Variants in EFCAB11 observed in about 807,000 individuals in gnomAD.
EFCAB11 encodes EF-hand calcium binding domain 11, also known as EF-hand calcium-binding domain-containing protein 11.
EFCAB11 carries 14 observed loss-of-function variants against 23.0 expected under a neutral mutation model. The ratio of observed to expected loss-of-function variants is 0.61; its 90% CI spans 0.40 to 0.95. The LOEUF (loss-of-function observed/expected upper bound fraction) is 0.95, where lower values mean the gene tolerates loss of function less well. EFCAB11 is among the 40% of genes least tolerant of loss of function. The pLI, the probability that EFCAB11 is intolerant of heterozygous loss-of-function variation, is 0.00. For missense variants in EFCAB11, 198 were observed against 195.8 expected (o/e 1.01, Z -0.07); for synonymous variants, 65 against 66.6 (o/e 0.98, Z 0.11).
intron 5 of EFCAB11, among the ~76,000 whole-genome samples, chr14:89,815,667 A>G (rs1596379504): frequency 6.6e-6 from 1 of 151,606 alleles, no homozygotes; most frequent in African/African-American, 2.4e-5. Flanking sequence ...CTCATAATCC[A>G]CCCGCCTCGG....
chr14:89,930,709 C>T (rs1278744479), intron 5 of EFCAB11, among the ~76,000 whole-genome samples: 4 of 152,142 alleles, frequency 2.6e-5, no homozygotes, highest in South Asian at 4.1e-4. Flanking sequence ...GGATCCTTCC[C>T]GACTGTGTGG....
intron 3 of EFCAB11, among the ~76,000 whole-genome samples, chr14:89,942,317 A>G (rs1890820646): frequency 6.6e-6 from 1 of 152,236 alleles, no homozygotes; most frequent in African/African-American, 2.4e-5. Context: ...GATCTGCATG[A>G]TAACTGTTCA....
intron 5 of EFCAB11, among the ~76,000 whole-genome samples, chr14:89,858,662 T>C (rs899340790): frequency 7.2e-6 from 1 of 138,704 alleles, no homozygotes; most frequent in South Asian, 2.4e-4. Flanking sequence ...GCTAATTTTT[T>C]TTTTTTTTTT....
chr14:89,851,070 C>T (rs1333217530), intron 5 of EFCAB11, among the ~76,000 whole-genome samples: 1 of 152,224 alleles, frequency 6.6e-6, no homozygotes, highest in Non-Finnish European at 1.5e-5. Context: ...TAGGAATTAA[C>T]TTACTAGAGA....
chr14:89,917,337 T>C (rs1288515978), intron 5 of EFCAB11, among the ~76,000 whole-genome samples: 2 of 152,192 alleles, frequency 1.3e-5, no homozygotes, highest in Non-Finnish European at 2.9e-5. Context: ...AGTAATATCA[T>C]GCAATATTTG....
chr14:89,920,369 C>T (rs1889984571), intron 5 of EFCAB11, among the ~76,000 whole-genome samples: 1 of 152,180 alleles, frequency 6.6e-6, no homozygotes, highest in South Asian at 2.1e-4. Context: ...GGTGTTTATG[C>T]TAGGCAATGG....
chr14:89,835,368 A>G (rs1270107583), intron 5 of EFCAB11, among the ~76,000 whole-genome samples: 1 of 152,188 alleles, frequency 6.6e-6, no homozygotes, highest in Non-Finnish European at 1.5e-5. Context: ...ATGGCACTCA[A>G]ATGTAAAGAC....
intron 5 of EFCAB11, chr14:89,923,655 G>A (rs1023461103): frequency 3.1e-6 from 3 of 982,348 alleles, no homozygotes; most frequent in Non-Finnish European, 3.6e-6. Context: ...TTCTATACCT[G>A]GAAGCAGGCA....
At chr14:89,837,310 G>A (rs1887117340) in intron 5 of EFCAB11, among the ~76,000 whole-genome samples, 1 of 152,100 alleles carries the variant, frequency 6.6e-6, no homozygotes. Flanking sequence ...GCCAACAGAA[G>A]TTCCACCAAG....
chr14:89,825,824 T>C (rs1886674018), intron 5 of EFCAB11, among the ~76,000 whole-genome samples: 1 of 152,164 alleles, frequency 6.6e-6, no homozygotes, highest in Non-Finnish European at 1.5e-5. Context: ...ATGTGTTAAA[T>C]TTTGCTGGCA....
rs1372198937 is a variant in EFCAB11, at chr14:89,954,399, A to G, written c.75+187T>C. On this transcript the variant is annotated intron_variant, in intron 1 of 5. Transcript: ENST00000316738. ...GAGAAAGGAGATGGAACTTGGAGGTAGCCGTAGTCCTGGACGGGGAGCCAG... is the reference window on the plus strand; with the variant it reads ...GAGAAAGGAGATGGAACTTGGAGGTGGCCGTAGTCCTGGACGGGGAGCCAG... 5 of 1,536,412 alleles carry G rather than the reference A, an allele frequency of 3.3e-6. No homozygotes were observed. In the South Asian group the frequency reaches 5.9e-5, roughly 18 times the overall value.
chr14:89,804,287 A>G (rs1207969927), intron 5 of EFCAB11, among the ~76,000 whole-genome samples: 4 of 152,152 alleles, frequency 2.6e-5, no homozygotes, highest in African/African-American at 9.7e-5. Context: ...TCTTTCCTTC[A>G]TTTTGCACGG....
rs1889039636 is a variant in EFCAB11, at chr14:89,893,272, T to C, written c.410+38269A>G. 2.6e-5 allele frequency among the ~76,000 whole-genome samples: 4 copies of C among 152,122 alleles called. No individual in the cohort carries two copies. The South Asian group carries it at 8.3e-4, about 32-fold the overall frequency. ...CCTTATGTCCTCAGGCTAAAATGAT[T>C]CTGGGAATGGGATTAATATGTGATG... On this transcript the variant is annotated intron_variant, in intron 5 of 5. Transcript: ENST00000316738.
chr14:89,871,377 C>G (rs1320579629), intron 5 of EFCAB11, among the ~76,000 whole-genome samples: 1 of 152,116 alleles, frequency 6.6e-6, no homozygotes, highest in African/African-American at 2.4e-5. Flanking sequence ...GAGGGTAGAG[C>G]CTTCTGCCAA....
intron 5 of EFCAB11, among the ~76,000 whole-genome samples, chr14:89,825,200 C>T (rs973912303): frequency 6.7e-6 from 1 of 148,922 alleles, no homozygotes; most frequent in Non-Finnish European, 1.5e-5. Context: ...ATTGGGAGAA[C>T]TTTCAAATAT....
rs142343959 is a variant in EFCAB11 at position 89,828,929 on chromosome 14, C to G, written c.411-31605G>C. Among the ~76,000 whole-genome samples the G allele has an allele frequency of 3.4e-3, 525 of 152,290 alleles. 3 individuals carry two copies. Among genetic ancestry groups the G allele is most frequent in the African/African-American group, 0.012 (501 of 41,548 alleles). On this transcript the variant is annotated intron_variant, in intron 5 of 5. Transcript: ENST00000316738. ...TCAGTGCCACCATAGCTCAGCATAT[C>G]CAGGCACTGGCTAACGATCCAGAAG...
chr14:89,822,442 T>C (rs1019568359), intron 5 of EFCAB11, among the ~76,000 whole-genome samples: 1 of 152,224 alleles, frequency 6.6e-6, no homozygotes, highest in Non-Finnish European at 1.5e-5. Context: ...AAAATTCTCT[T>C]CAGACAAATA....
intron 5 of EFCAB11, among the ~76,000 whole-genome samples, chr14:89,922,622 C>T (rs1890054826): frequency 6.6e-6 from 1 of 151,962 alleles, no homozygotes; most frequent in South Asian, 2.1e-4. Flanking sequence ...TAATAAAAAG[C>T]CTGTGGTTTT....
At chr14:89,834,232 C>T (rs929452488) in intron 5 of EFCAB11, among the ~76,000 whole-genome samples, 10 of 151,588 alleles carry the variant, frequency 6.6e-5, no homozygotes, top group African/African-American at 2.4e-4. Flanking sequence ...AAAAATTAGC[C>T]GAGCATGGTG....
Sources: gnomAD v4.1 joint callset for allele counts (sites outside exome capture counted in the v4.1 genomes callset) on GRCh38, gnomAD v4.1.1 for gene constraint, MANE v1.5 for transcripts, NCBI Gene and HGNC (gene_info 2026-07-23, HGNC 2026-07-21) for gene names.